The following CLASP2 variants were observed in gnomAD, a reference collection of about 807,000 sequenced individuals.
CLASP2 encodes the protein CLIP-associating protein 2.
Under a neutral mutation model 194.4 loss-of-function variants are expected in CLASP2, and 47 were observed. That is an observed-to-expected ratio of 0.24 (90% CI 0.19 to 0.31). The LOEUF (loss-of-function observed/expected upper bound fraction) is 0.31, where lower values mean the gene tolerates loss of function less well. CLASP2 is among the 10% of genes least tolerant of loss of function. The probability of loss-of-function intolerance (pLI) is 1.00; values close to 1 mark genes in which losing one functional copy is unlikely to be tolerated. For synonymous variants in CLASP2, 619 were observed against 633.5 expected, an observed-to-expected ratio of 0.98 and a Z score of 0.34; for missense variants, 1,445 against 1,823.6, an observed-to-expected ratio of 0.79 and a Z score of 3.78.
At chr3:33,623,156 T>G (rs1338818681) in intron 10 of CLASP2, among the ~76,000 whole-genome samples, 2 of 152,188 alleles carry the variant, frequency 1.3e-5, no homozygotes, top group African/African-American at 4.8e-5. Context: ...TAGTTGTACA[T>G]TTTTATGAAG....
chr3:33,571,789 C>A (rs772794179), intron 25 of CLASP2, among the ~76,000 whole-genome samples: 1 of 151,940 alleles, frequency 6.6e-6, no homozygotes, highest in Non-Finnish European at 1.5e-5. Context: ...GGTGACAAAG[C>A]GAGATCTCAT....
chr3:33,511,775 A>C (rs1201951356), intron 36 of CLASP2, among the ~76,000 whole-genome samples: 1 of 66,744 alleles, frequency 1.5e-5, no homozygotes. Flanking sequence ...TCAAAAGAAG[A>C]CATTTATGCA....
chr3:33,674,677 A>G (rs1311596245), intron 6 of CLASP2, among the ~76,000 whole-genome samples: 4 of 152,280 alleles, frequency 2.6e-5, no homozygotes, highest in East Asian at 1.9e-4. Flanking sequence ...AACAAAATTG[A>G]TAAGACTGCT....
intron 6 of CLASP2, among the ~76,000 whole-genome samples, chr3:33,675,652 T>C (rs1276604692): frequency 2.7e-5 from 4 of 149,784 alleles, no homozygotes; most frequent in African/African-American, 9.8e-5. Context: ...AAATTGTCCC[T>C]GTTTGCAGAT....
intron 29 of CLASP2, chr3:33,558,574 A>C (rs1225295052): frequency 6.6e-6 from 1 of 152,064 alleles, no homozygotes; most frequent in East Asian, 1.9e-4. Context: ...TTTTATGTAA[A>C]ATTTAATAAT....
intron 28 of CLASP2, 44 bp downstream of exon 28, chr3:33,560,764 T>C (rs1385669580): frequency 2.6e-6 from 4 of 1,537,090 alleles, no homozygotes; most frequent in Admixed American, 3.5e-5. Context: ...TAGATATTCC[T>C]AGTTATTATC....
intron 15 of CLASP2, 33 bp downstream of exon 15, chr3:33,607,351 A>T: frequency 6.9e-7 from 1 of 1,452,748 alleles, no homozygotes; most frequent in Non-Finnish European, 9.3e-7. Flanking sequence ...AAAAAAGATT[A>T]AACTGTCACA....
At chr3:33,571,576 A>C (rs2063780309) in intron 25 of CLASP2, among the ~76,000 whole-genome samples, 1 of 151,656 alleles carries the variant, frequency 6.6e-6, no homozygotes, top group Non-Finnish European at 1.5e-5. Flanking sequence ...CAGAGGTTGC[A>C]CTGAGCTGAG....
chr3:33,558,549 C>A (rs2061329961), intron 29 of CLASP2: 1 of 151,002 alleles, frequency 6.6e-6, no homozygotes, highest in African/African-American at 2.4e-5. Context: ...AGGAGCTATT[C>A]TTTTACATTT....
intron 7 of CLASP2, among the ~76,000 whole-genome samples, chr3:33,650,083 G>A (rs541610949): frequency 1.3e-5 from 2 of 152,134 alleles, no homozygotes; most frequent in Non-Finnish European, 2.9e-5. Context: ...TAAAATCCTA[G>A]AGTTATCAGA....
chr3:33,702,107 TG>T (rs974634950), intron 1 of CLASP2, among the ~76,000 whole-genome samples: 1 of 152,152 alleles, frequency 6.6e-6, no homozygotes, highest in African/African-American at 2.4e-5. Flanking sequence ...GATAGCCAAC[TG>T]GGTTCACTGT....
At position 33,693,835 on chromosome 3, in the gene CLASP2, AAGAAT is replaced by A. The variant is rs57008948; in HGVS notation, c.274+3015_274+3019del. Among the ~76,000 whole-genome samples the A allele has an allele frequency of 8.5e-3, 1,300 of 152,118 alleles. 20 individuals are homozygous for A. Among genetic ancestry groups the A allele is most frequent in the African/African-American group, 0.03 (1,247 of 41,434 alleles). On this transcript the variant is annotated intron_variant, in intron 2 of 38. Transcript: ENST00000682230. ...ACAGTAAATGCACAGGGATAACAGAAAGAATAGGAGATTAAAAGGAAAAACTATAC... is the reference window on the plus strand; with the variant it reads ...ACAGTAAATGCACAGGGATAACAGAAAGGAGATTAAAAGGAAAAACTATAC...
At chr3:33,623,194 C>T (rs1340338403) in intron 10 of CLASP2, among the ~76,000 whole-genome samples, 1 of 152,166 alleles carries the variant, frequency 6.6e-6, no homozygotes, top group African/African-American at 2.4e-5. Context: ...TAAAAGCACA[C>T]AATGTGTAAC....
chr3:33,530,652 G>C (rs2056068216), intron 34 of CLASP2, among the ~76,000 whole-genome samples: 1 of 152,154 alleles, frequency 6.6e-6, no homozygotes, highest in African/African-American at 2.4e-5. Flanking sequence ...TGACAGCAAT[G>C]ATACCACTAG....
rs1408453270 is a variant in CLASP2 at position 33,683,874 on chromosome 3, AGGTTG to A, written c.644+480_644+484del. On this transcript the variant is annotated intron_variant, in intron 6 of 38. Coordinates refer to ENST00000682230, the MANE Select transcript of CLASP2 (RefSeq NM_001365631.1). ...GGAATCACTTGAGCCCAGGATGCAG[AGGTTG>A]CAGTGAGCCAAGATTGTGCTACTGC... 5.5e-5 allele frequency among the ~76,000 whole-genome samples: 8 copies of A among 146,138 alleles called. No homozygotes were observed. The East Asian group carries it at 1.7e-3, about 30-fold the overall frequency.
chr3:33,613,273 C>T (rs533120405), intron 12 of CLASP2, among the ~76,000 whole-genome samples: 1 of 152,222 alleles, frequency 6.6e-6, no homozygotes, highest in South Asian at 2.1e-4. Flanking sequence ...CTATCTTTGC[C>T]CAAAACCATT....
intron 36 of CLASP2, among the ~76,000 whole-genome samples, chr3:33,511,756 A>G (rs2049912977): frequency 1.5e-5 from 1 of 66,244 alleles, no homozygotes; most frequent in African/African-American, 5.5e-5. Flanking sequence ...GGACATGAAC[A>G]GACACTTCTC....
intron 12 of CLASP2, among the ~76,000 whole-genome samples, chr3:33,619,334 A>G (rs2076740228): frequency 6.6e-6 from 1 of 152,192 alleles, no homozygotes; most frequent in African/African-American, 2.4e-5. Context: ...GTAGATACAT[A>G]TATGTACTCA....
At chr3:33,540,232 ATTTTT>A (rs11398038) in intron 32 of CLASP2, among the ~76,000 whole-genome samples, 1 of 122,106 alleles carries the variant, frequency 8.2e-6, no homozygotes, top group African/African-American at 3.2e-5. Flanking sequence ...GACTGGCCAA[ATTTTT>A]TTTTTTTTTT....
Sources: gnomAD v4.1 joint callset for allele counts (sites outside exome capture counted in the v4.1 genomes callset) on GRCh38, gnomAD v4.1.1 for gene constraint, MANE v1.5 for transcripts, NCBI Gene and HGNC (gene_info 2026-07-23, HGNC 2026-07-21) for gene names.